The following EFNA5 variants were observed in gnomAD, a reference collection of about 807,000 sequenced individuals.
EFNA5 encodes the protein ephrin A5.
A neutral mutation model predicts 22.9 loss-of-function variants in EFNA5; 5 were observed. The observed-to-expected ratio is 0.22, with a 90% CI of 0.11 to 0.46. The LOEUF (loss-of-function observed/expected upper bound fraction) is 0.46, where lower values mean the gene tolerates loss of function less well. EFNA5 is among the 20% of genes least tolerant of loss of function. The pLI is 0.99. For missense variants in EFNA5, 237 were observed against 293.3 expected, an observed-to-expected ratio of 0.81 and a Z score of 1.40; for synonymous variants, 113 against 112.2, an observed-to-expected ratio of 1.01 and a Z score of -0.04.
At chr5:107,585,891 T>C (rs1442105648) in intron 1 of EFNA5, among the ~76,000 whole-genome samples, 2 of 152,178 alleles carry the variant, frequency 1.3e-5, no homozygotes, top group Admixed American at 1.3e-4. Flanking sequence ...TAAAATTACA[T>C]TTTGGGGACA....
intron 1 of EFNA5, among the ~76,000 whole-genome samples, chr5:107,535,005 A>G (rs930441412): frequency 6.6e-6 from 1 of 152,210 alleles, no homozygotes; most frequent in African/African-American, 2.4e-5. Flanking sequence ...TTGGTGTGAA[A>G]AATATGATGT....
intron 1 of EFNA5, among the ~76,000 whole-genome samples, chr5:107,654,677 A>G (rs1750789513): frequency 6.6e-6 from 1 of 152,142 alleles, no homozygotes; most frequent in African/African-American, 2.4e-5. Context: ...CTAGTTTATG[A>G]CAACCTTAGT....
intron 1 of EFNA5, among the ~76,000 whole-genome samples, chr5:107,637,543 G>T (rs973321652): frequency 1.9e-4 from 28 of 147,856 alleles, no homozygotes; most frequent in African/African-American, 6.8e-4. Context: ...TGTGTGTGTG[G>T]GTTTGCTTTT....
At chr5:107,387,466 A>C in intron 3 of EFNA5, 151 bp from the exon 4 acceptor site, 1 of 625,032 alleles carries the variant, frequency 1.6e-6, no homozygotes, top group Non-Finnish European at 2.8e-6. Flanking sequence ...TATTGTTCCC[A>C]TTTGCTCTGC....
At chr5:107,628,914 C>G (rs1191135719) in intron 1 of EFNA5, among the ~76,000 whole-genome samples, 1 of 152,064 alleles carries the variant, frequency 6.6e-6, no homozygotes, top group African/African-American at 2.4e-5. Flanking sequence ...CAAACTATCT[C>G]ATATAATCAT....
intron 1 of EFNA5, among the ~76,000 whole-genome samples, chr5:107,572,026 G>GGACA (rs547151475): frequency 9.2e-5 from 14 of 152,200 alleles, no homozygotes; most frequent in African/African-American, 2.9e-4. Flanking sequence ...ACAGCAGCGT[G>GGACA]GACAGACAGT....
Position 107,427,118 on chromosome 5 carries a change from T to A in EFNA5, c.418+99A>T, listed in dbSNP as rs564199141. On this transcript the variant is annotated intron_variant, in intron 2 of 4. Transcript: ENST00000333274. ...CGCATTTACAAGGAGATATCTGTAA[T>A]GCAGAGTCCAGCTCTCTGCAATTCT... The A allele has an allele frequency of 1.7e-5, 22 of 1,301,188 alleles. No homozygotes were observed. In the South Asian group the frequency reaches 2.7e-4, roughly 16 times the overall value. 80.6% of individuals were successfully genotyped at this position (1,301,188 alleles called of 1,614,324 possible).
rs989478346 is a variant in EFNA5, at chr5:107,670,829, T to C, written c.-216A>G. The C allele has an allele frequency of 3.4e-6, 2 of 595,272 alleles. No individual in the cohort carries two copies. The highest frequency in any genetic ancestry group is 5.8e-6 in the Non-Finnish European group (2 of 346,814). The allele number at this position is 595,272 out of a possible 1,614,324, so 36.9% of individuals were successfully genotyped here. On this transcript the variant is annotated 5_prime_UTR_variant, in exon 1 of 5. Transcript: ENST00000333274. ...AAGAAGGCGGTGGGATGGGGGGTGA[T>C]AAAGACAAACTCGCACCCCCACTGG...
At chr5:107,664,528 T>C (rs199885314) in intron 1 of EFNA5, among the ~76,000 whole-genome samples, 1 of 152,102 alleles carries the variant, frequency 6.6e-6, no homozygotes, top group East Asian at 1.9e-4. Context: ...AATCAGGCCC[T>C]TAAAAGAGAC....
At chr5:107,518,206 A>G (rs1210977667) in intron 1 of EFNA5, among the ~76,000 whole-genome samples, 1 of 151,786 alleles carries the variant, frequency 6.6e-6, no homozygotes, top group Non-Finnish European at 1.5e-5. Context: ...GCAGAGGCCC[A>G]CTTGATGCGC....
chr5:107,642,599 C>T (rs1291076944), intron 1 of EFNA5, among the ~76,000 whole-genome samples: 4 of 152,004 alleles, frequency 2.6e-5, no homozygotes, highest in Admixed American at 1.3e-4. Flanking sequence ...ACCACTTAAT[C>T]ACCACTTAAT....
intron 1 of EFNA5, among the ~76,000 whole-genome samples, 163 bp from the exon 2 acceptor site, chr5:107,427,672 T>C (rs556109283): frequency 6.6e-6 from 1 of 151,938 alleles, no homozygotes; most frequent in South Asian, 2.1e-4. Flanking sequence ...ATGTTGCAGT[T>C]CCCAATCTAA....
chr5:107,463,319 A>G (rs1749884147), intron 1 of EFNA5, among the ~76,000 whole-genome samples: 2 of 152,134 alleles, frequency 1.3e-5, no homozygotes, highest in South Asian at 4.1e-4. Context: ...TTTATATATA[A>G]CATATTCTGG....
intron 1 of EFNA5, among the ~76,000 whole-genome samples, chr5:107,466,377 GCAGAGCCGGGCAC>G (rs1312690643): frequency 6.6e-6 from 1 of 152,060 alleles, no homozygotes; most frequent in Non-Finnish European, 1.5e-5. Flanking sequence ...GATAGCTCAA[GCAGAGCCGGGCAC>G]CAGAGCGGAA....
At chr5:107,617,988 C>G (rs974581008) in intron 1 of EFNA5, among the ~76,000 whole-genome samples, 1 of 151,840 alleles carries the variant, frequency 6.6e-6, no homozygotes, top group East Asian at 1.9e-4. Flanking sequence ...AATAGCAAGA[C>G]GCTGTCTCTG....
rs549181538 is a variant in EFNA5, at chr5:107,399,368, G to T, written c.419-11597C>A. ...AGGAAAGGAAAGGAAAGGAAAGGAA[G>T]GAGGGAGGAAGGAAGGAAGGAAAGA... On this transcript the variant is annotated intron_variant, in intron 2 of 4. Coordinates refer to ENST00000333274, the MANE Select transcript of EFNA5 (RefSeq NM_001962.3). Among the ~76,000 whole-genome samples, 20 of 64,972 alleles carry T rather than the reference G, an allele frequency of 3.1e-4. 1 individual carries two copies. The South Asian group carries it at 7.8e-3, about 25-fold the overall frequency. 42.6% of individuals were successfully genotyped at this position (64,972 alleles called of 152,430 possible).
intron 1 of EFNA5, among the ~76,000 whole-genome samples, chr5:107,442,635 T>C (rs1220393854): frequency 6.6e-6 from 1 of 152,172 alleles, no homozygotes; most frequent in Non-Finnish European, 1.5e-5. Context: ...TATTGTTCAA[T>C]ATCATTTTAT....
intron 2 of EFNA5, among the ~76,000 whole-genome samples, chr5:107,397,403 G>C (rs901648508): frequency 6.6e-6 from 1 of 152,092 alleles, no homozygotes; most frequent in East Asian, 1.9e-4. Flanking sequence ...ACAAAAATTG[G>C]TGGGGCGTGG....
At chr5:107,602,619 A>AT (rs1749623908) in intron 1 of EFNA5, among the ~76,000 whole-genome samples, 4 of 152,150 alleles carry the variant, frequency 2.6e-5, no homozygotes, top group Admixed American at 2.6e-4. Context: ...TTTCCCCTCC[A>AT]TCCCCCAAAC....
Sources: gnomAD v4.1 joint callset for allele counts (sites outside exome capture counted in the v4.1 genomes callset) on GRCh38, gnomAD v4.1.1 for gene constraint, MANE v1.5 for transcripts, NCBI Gene and HGNC (gene_info 2026-07-23, HGNC 2026-07-21) for gene names.